The following GALNT13 variants were observed in gnomAD, a reference collection of about 807,000 sequenced individuals.
GALNT13 encodes the protein polypeptide N-acetylgalactosaminyltransferase 13, also known as UDP-GalNAc:polypeptide N-acetylgalactosaminyltransferase 13.
In GALNT13, 28 loss-of-function variants were observed where a neutral mutation model predicts 64.2. That is an observed-to-expected ratio of 0.44 (90% CI 0.32 to 0.60). The LOEUF is 0.60. GALNT13 is among the 20% of genes least tolerant of loss of function. The pLI, the probability that GALNT13 is intolerant of heterozygous loss-of-function variation, is 0.05. For synonymous variants in GALNT13, 214 were observed against 224.6 expected (o/e 0.95, Z 0.42); for missense variants, 577 against 669.8 (o/e 0.86, Z 1.53).
At chr2:153,628,852 T>C in the GALNT13 span, among the ~76,000 whole-genome samples, 1 of 152,160 alleles carries the variant, frequency 6.6e-6, no homozygotes, top group Admixed American at 6.6e-5. Flanking sequence ...AGGATGATGC[T>C]GGCCTCATAA....
the GALNT13 span, among the ~76,000 whole-genome samples, chr2:153,273,378 G>A: frequency 6.6e-6 from 1 of 152,102 alleles, no homozygotes; most frequent in South Asian, 2.1e-4. Context: ...CAAAAACTAT[G>A]GTATTGAGTG....
chr2:153,718,173 T>A, the GALNT13 span, among the ~76,000 whole-genome samples: 1 of 152,106 alleles, frequency 6.6e-6, no homozygotes, highest in Non-Finnish European at 1.5e-5. Context: ...TCATTGTTAC[T>A]ATTAGAACAC....
At chr2:153,654,022 A>G in the GALNT13 span, among the ~76,000 whole-genome samples, 4,723 of 152,194 alleles carry the variant, frequency 0.031, 91 homozygotes, top group Non-Finnish European at 0.041. Flanking sequence ...ATTTGGGACA[A>G]TCATATATAT....
At chr2:153,242,621 A>C in the GALNT13 span, among the ~76,000 whole-genome samples, 11 of 152,366 alleles carry the variant, frequency 7.2e-5, no homozygotes, top group East Asian at 3.9e-4. Context: ...AATGTGCTTC[A>C]TTAAAAATGG....
chr2:153,967,360 C>A (rs559491214), intron 3 of GALNT13, among the ~76,000 whole-genome samples: 1 of 152,140 alleles, frequency 6.6e-6, no homozygotes, highest in Non-Finnish European at 1.5e-5. Context: ...CATACTTGTA[C>A]TCATCCTTCT....
intron 8 of GALNT13, among the ~76,000 whole-genome samples, chr2:154,291,621 C>G (rs1692640230): frequency 6.6e-6 from 1 of 152,162 alleles, no homozygotes; most frequent in African/African-American, 2.4e-5. Context: ...CCATGCCCAC[C>G]CAGAACCCGG....
the GALNT13 span, among the ~76,000 whole-genome samples, chr2:153,202,756 A>G: frequency 1.3e-5 from 2 of 152,168 alleles, no homozygotes; most frequent in Non-Finnish European, 2.9e-5. Flanking sequence ...TAAAATCAGA[A>G]TAGGTGTAAA....
At chr2:153,576,740 T>C in the GALNT13 span, among the ~76,000 whole-genome samples, 1 of 152,224 alleles carries the variant, frequency 6.6e-6, no homozygotes, top group Non-Finnish European at 1.5e-5. Context: ...TTTTTAGTTC[T>C]CATGAAGATG....
At chr2:154,341,863 T>C (rs1268002255) in intron 9 of GALNT13, among the ~76,000 whole-genome samples, 1 of 152,044 alleles carries the variant, frequency 6.6e-6, no homozygotes, top group Non-Finnish European at 1.5e-5. Context: ...ATTATGATAA[T>C]AGTAACAGAT....
intron 3 of GALNT13, among the ~76,000 whole-genome samples, chr2:154,065,093 C>T (rs1700392313): frequency 6.6e-6 from 1 of 152,074 alleles, no homozygotes; most frequent in Non-Finnish European, 1.5e-5. Flanking sequence ...TAGCCTGGCA[C>T]AACTCTTTGT....
intron 3 of GALNT13, among the ~76,000 whole-genome samples, chr2:153,950,472 A>G (rs970599988): frequency 4.6e-5 from 7 of 152,068 alleles, no homozygotes; most frequent in Non-Finnish European, 7.4e-5. Flanking sequence ...ACCAATTGCT[A>G]AAGGTGATGT....
At chr2:154,335,281 A>C (rs1395104866) in intron 9 of GALNT13, among the ~76,000 whole-genome samples, 1 of 152,012 alleles carries the variant, frequency 6.6e-6, no homozygotes. Flanking sequence ...ATTAATATAC[A>C]TTTCATCATA....
At chr2:153,507,151 T>G in the GALNT13 span, among the ~76,000 whole-genome samples, 2 of 152,176 alleles carry the variant, frequency 1.3e-5, no homozygotes, top group Admixed American at 1.3e-4. Flanking sequence ...GCTGAGACTT[T>G]CCAGTGCATT....
intron 3 of GALNT13, among the ~76,000 whole-genome samples, chr2:154,082,578 A>G (rs1701325771): frequency 1.3e-5 from 2 of 151,680 alleles, no homozygotes; most frequent in African/African-American, 2.4e-5. Flanking sequence ...CATCGAATGA[A>G]TACGTACTAT....
chr2:153,132,109 G>C, the GALNT13 span, among the ~76,000 whole-genome samples: 1 of 152,172 alleles, frequency 6.6e-6, no homozygotes, highest in South Asian at 2.1e-4. Flanking sequence ...GATTTCAGAA[G>C]AACCCACAAA....
At chr2:153,125,889 A>G in the GALNT13 span, among the ~76,000 whole-genome samples, 2 of 152,048 alleles carry the variant, frequency 1.3e-5, no homozygotes, top group Non-Finnish European at 2.9e-5. Flanking sequence ...GTTTATGTAG[A>G]GTATAGTCAT....
the GALNT13 span, among the ~76,000 whole-genome samples, chr2:153,147,737 C>G: frequency 2.0e-5 from 3 of 151,686 alleles, no homozygotes; most frequent in South Asian, 4.1e-4. Context: ...AATTTGATTG[C>G]CCTTGTTTGG....
At chr2:153,615,748 G>A in the GALNT13 span, among the ~76,000 whole-genome samples, 7 of 151,850 alleles carry the variant, frequency 4.6e-5, no homozygotes, top group African/African-American at 1.2e-4. Context: ...AAATGGAGAC[G>A]TATTCAAATC....
chr2:153,300,782 C>T, the GALNT13 span, among the ~76,000 whole-genome samples: 1 of 151,856 alleles, frequency 6.6e-6, no homozygotes, highest in African/African-American at 2.4e-5. Context: ...AGATGAATGA[C>T]GTGTATTGGT....
Sources: gnomAD v4.1 joint callset for allele counts (sites outside exome capture counted in the v4.1 genomes callset) on GRCh38, gnomAD v4.1.1 for gene constraint, MANE v1.5 for transcripts, NCBI Gene and HGNC (gene_info 2026-07-23, HGNC 2026-07-21) for gene names.